Variants in RAD54L2 observed in about 807,000 individuals in gnomAD.
RAD54L2 encodes helicase ARIP4.
A neutral mutation model predicts 138.4 loss-of-function variants in RAD54L2; 27 were observed. The observed-to-expected ratio is 0.20, with a 90% CI of 0.14 to 0.27. The LOEUF (loss-of-function observed/expected upper bound fraction) is 0.27, where lower values mean the gene tolerates loss of function less well. Ranked by LOEUF, RAD54L2 falls within the 10% of genes least tolerant of loss-of-function variation. The pLI is 1.00. For synonymous variants in RAD54L2, 644 were observed against 723.2 expected (o/e 0.89, Z 1.76); for missense variants, 1,396 against 1,890.2 (o/e 0.74, Z 4.85).
At chr3:51,610,657 A>C (rs548357617) in intron 3 of RAD54L2, among the ~76,000 whole-genome samples, 36 of 151,272 alleles carry the variant, frequency 2.4e-4, no homozygotes, top group Admixed American at 7.9e-4. Context: ...AAAAAAAAAA[A>C]CAGAAAGAAT....
intron 2 of RAD54L2, among the ~76,000 whole-genome samples, chr3:51,558,751 A>T (rs866869360): frequency 6.6e-6 from 1 of 150,848 alleles, no homozygotes; most frequent in African/African-American, 2.4e-5. Flanking sequence ...GATTACAAGC[A>T]TGAGGCACCA....
intron 2 of RAD54L2, among the ~76,000 whole-genome samples, chr3:51,580,099 C>G (rs879436026): frequency 6.6e-6 from 1 of 152,080 alleles, no homozygotes; most frequent in African/African-American, 2.4e-5. Context: ...CAACAACACC[C>G]CCACTTTAGA....
chr3:51,622,558 A>T (rs1164538794), intron 3 of RAD54L2, among the ~76,000 whole-genome samples: 1 of 152,174 alleles, frequency 6.6e-6, no homozygotes, highest in Non-Finnish European at 1.5e-5. Context: ...AGGGCCAAGG[A>T]AGTTGCTGCC....
rs1438232746 is a variant in RAD54L2, at chr3:51,566,964, C to T, written c.-54-23403C>T. The stretch of plus-strand genomic sequence containing the variant: ...TAGGTTGATGCAGCTTTTATGTTGT[C>T]TTCTGTATTGGCTGGCAGATTTTTT... On this transcript the variant is annotated intron_variant, in intron 2 of 22. Coordinates refer to ENST00000684192, the MANE Select transcript of RAD54L2 (RefSeq NM_015106.4). 3.3e-5 allele frequency among the ~76,000 whole-genome samples: 5 copies of T among 152,140 alleles called. No individual in the cohort carries two copies. In the East Asian group the frequency reaches 9.6e-4, roughly 29 times the overall value.
intron 2 of RAD54L2, among the ~76,000 whole-genome samples, chr3:51,543,958 A>G (rs1698623720): frequency 6.6e-6 from 1 of 152,144 alleles, no homozygotes; most frequent in South Asian, 2.1e-4. Flanking sequence ...TCTGTATGAC[A>G]TTGGAGTCTG....
At chr3:51,586,366 C>T (rs187836580) in intron 2 of RAD54L2, among the ~76,000 whole-genome samples, 3 of 152,052 alleles carry the variant, frequency 2.0e-5, no homozygotes, top group African/African-American at 7.2e-5. Context: ...AATTCCCCCA[C>T]CATGGCCTCC....
intron 2 of RAD54L2, among the ~76,000 whole-genome samples, chr3:51,582,666 T>C (rs1169510477): frequency 6.6e-6 from 1 of 152,058 alleles, no homozygotes; most frequent in Non-Finnish European, 1.5e-5. Context: ...AGAATGGCCT[T>C]CTAGAACTTT....
intron 16 of RAD54L2, 48 bp from the exon 17 acceptor site, chr3:51,644,976 C>A: frequency 6.2e-7 from 1 of 1,603,462 alleles, no homozygotes. Context: ...GATTTGAAAA[C>A]CTTTTTTAAG....
intron 2 of RAD54L2, among the ~76,000 whole-genome samples, chr3:51,557,779 G>A (rs1364790338): frequency 7.2e-6 from 1 of 139,260 alleles, no homozygotes; most frequent in Non-Finnish European, 1.5e-5. Context: ...GCAGTGAGCC[G>A]AGATTGCGCC....
At chr3:51,657,750 G>C (rs1396427863) in intron 21 of RAD54L2, 81 bp downstream of exon 21, 3 of 966,968 alleles carry the variant, frequency 3.1e-6, no homozygotes, top group Non-Finnish European at 4.8e-6. Context: ...CATATGACTT[G>C]AGCTAGACGG....
At chr3:51,630,153 T>TG in intron 5 of RAD54L2, 119 bp from the exon 6 acceptor site, 1 of 723,282 alleles carries the variant, frequency 1.4e-6, no homozygotes, top group East Asian at 2.7e-5. Flanking sequence ...TCTGCTTCTC[T>TG]TCTCAGTGGA....
chr3:51,662,758 G>A lies in RAD54L2; in HGVS notation c.3742G>A (p.Val1248Met), dbSNP rs1412889901. Residue 1248 changes from valine (V) to methionine (M), a missense_variant, in exon 23 of 23, where the codon GTG (valine) becomes ATG (methionine). Around this residue, in one of 7 missense-constraint regions of RAD54L2, gnomAD observed 634 missense variants for 711.2 expected, o/e 0.89. Transcript: ENST00000684192. The surrounding 1 kb of genome is among the most constrained non-coding windows in gnomAD (Gnocchi z 4.6). ...CCAGCCCTGTGGTGACAGGCACCCAGTGCTGGACTTAAGGGGCCACAAGCG... is the reference window on the plus strand; with the variant it reads ...CCAGCCCTGTGGTGACAGGCACCCAATGCTGGACTTAAGGGGCCACAAGCG... ...TGQPCGDRHP[V>M]LDLRGHKRKL... 1.2e-6 allele frequency: 2 copies of A among 1,612,572 alleles called. No individual in the cohort carries two copies. Among genetic ancestry groups the A allele is most frequent in the African/African-American group, 1.3e-5 (1 of 75,024 alleles).
In RAD54L2 at chr3:51,663,593, GCAAA is replaced by G; in HGVS notation, c.*174_*177del. The G allele has an allele frequency of 3.2e-4, 29 of 91,992 alleles. No homozygotes were observed. The South Asian group carries it at 4.3e-3, about 14-fold the overall frequency. 5.7% of individuals were successfully genotyped at this position (91,992 alleles called of 1,614,324 possible). On this transcript the variant is annotated 3_prime_UTR_variant, in exon 23 of 23. Coordinates refer to ENST00000684192, the MANE Select transcript of RAD54L2 (RefSeq NM_015106.4). ...GCTCTGTTGCTGTTTAACAAAAGAG[GCAAA>G]AAAAAAAAAAAAAAAAAAAAAGTCC...
At chr3:51,644,026 C>A in intron 16 of RAD54L2, 52 bp downstream of exon 16, 1 of 1,429,124 alleles carries the variant, frequency 7.0e-7, no homozygotes, top group Non-Finnish European at 9.6e-7. Flanking sequence ...GGCAGTTGGC[C>A]ACCTGGGCTG....
At chr3:51,661,397 CTGTAACACAA>C (rs1484791190) in intron 22 of RAD54L2, among the ~76,000 whole-genome samples, 1 of 152,214 alleles carries the variant, frequency 6.6e-6, no homozygotes, top group African/African-American at 2.4e-5. Flanking sequence ...ACAGGATGAG[CTGTAACACAA>C]TGTATTAATT....
chr3:51,544,031 A>G (rs1271719564), intron 2 of RAD54L2, among the ~76,000 whole-genome samples: 1 of 152,056 alleles, frequency 6.6e-6, no homozygotes, highest in Non-Finnish European at 1.5e-5. Flanking sequence ...AATTATTTAT[A>G]TATTTTTTCC....
intron 19 of RAD54L2, among the ~76,000 whole-genome samples, chr3:51,653,793 A>T (rs559744972): frequency 6.6e-6 from 1 of 152,098 alleles, no homozygotes; most frequent in Non-Finnish European, 1.5e-5. Context: ...GTGTGGGGGG[A>T]TGGGGGAGGG....
intron 9 of RAD54L2, among the ~76,000 whole-genome samples, chr3:51,634,866 A>C (rs1356557871): frequency 6.6e-6 from 1 of 152,226 alleles, no homozygotes; most frequent in African/African-American, 2.4e-5. Context: ...CCTGATTTCC[A>C]AAAGTCTAAA....
intron 3 of RAD54L2, among the ~76,000 whole-genome samples, chr3:51,624,367 G>A (rs1190872346): frequency 6.6e-6 from 1 of 151,862 alleles, no homozygotes; most frequent in South Asian, 2.1e-4. Flanking sequence ...CTCTTGAGTA[G>A]CTGGGACTAC....
Sources: gnomAD v4.1 joint callset for allele counts (sites outside exome capture counted in the v4.1 genomes callset) on GRCh38, gnomAD v4.1.1 for gene constraint, gnomAD v4.1.1 regional missense constraint, Gnocchi (gnomAD v3.1) non-coding constraint, MANE v1.5 for transcripts, NCBI Gene and HGNC (gene_info 2026-07-23, HGNC 2026-07-21) for gene names.